TMEM63C: variants seen among roughly 807,000 people sequenced by gnomAD.
TMEM63C encodes transmembrane protein 63C.
Under a neutral mutation model 99.2 loss-of-function variants are expected in TMEM63C, and 32 were observed. The observed-to-expected ratio is 0.32, with a 90% CI of 0.24 to 0.43. The LOEUF is 0.43. TMEM63C is among the 20% of genes least tolerant of loss of function. TMEM63C has a pLI of 1.00. For missense variants in TMEM63C, 826 were observed against 1,053.0 expected (o/e 0.78, Z 2.98); for synonymous variants, 376 against 397.9 (o/e 0.94, Z 0.66).
At chr14:77,183,947 C>A (rs914373560) in intron 1 of TMEM63C, among the ~76,000 whole-genome samples, 3 of 152,162 alleles carry the variant, frequency 2.0e-5, no homozygotes, top group Non-Finnish European at 4.4e-5. Flanking sequence ...CTCAGAGAGG[C>A]CCCGTGGTGA....
At chr14:77,218,693 C>A in intron 2 of TMEM63C, 108 bp from the exon 3 acceptor site, 1 of 1,184,064 alleles carries the variant, frequency 8.4e-7, no homozygotes. Flanking sequence ...AGTGGCCTAG[C>A]CTGGCCGAGG....
chr14:77,240,546 C>A lies in TMEM63C; in HGVS notation c.1002C>A (p.Arg334=), dbSNP rs749706508. ...ACGAGTTCAACGCCGAGCTCAACCG[C>A]GTGCCGCTCAAGCGGCTGGACCTGA... The part of the protein sequence containing the change: ...LTDEFNAELN[R]VPLKRLDLIF... The change falls in exon 13 of 24, where the codon CGC becomes CGA. Residue 334 remains arginine, a synonymous_variant. Coordinates refer to ENST00000298351, the MANE Select transcript of TMEM63C (RefSeq NM_020431.4). 2 of 1,611,904 alleles carry A rather than the reference C, an allele frequency of 1.2e-6. No homozygotes were observed. The highest frequency in any genetic ancestry group is 1.1e-5 in the South Asian group (1 of 91,076).
intron 22 of TMEM63C, among the ~76,000 whole-genome samples, chr14:77,252,197 A>T (rs1164848877): frequency 6.6e-6 from 1 of 152,134 alleles, no homozygotes; most frequent in Admixed American, 6.5e-5. Context: ...ATGTGAGTCC[A>T]GTGCAGCCAC....
chr14:77,256,255 G>A (rs1253451072), intron 23 of TMEM63C, among the ~76,000 whole-genome samples: 8 of 152,250 alleles, frequency 5.3e-5, no homozygotes, highest in African/African-American at 1.4e-4. Context: ...TTGGAACTGA[G>A]AGTGAATGGG....
intron 9 of TMEM63C, among the ~76,000 whole-genome samples, chr14:77,236,959 G>A (rs1481894990): frequency 1.0e-5 from 1 of 99,224 alleles, no homozygotes; most frequent in Non-Finnish European, 2.0e-5. Context: ...CCTCCTCCAC[G>A]CTGCTCCACC....
intron 1 of TMEM63C, among the ~76,000 whole-genome samples, chr14:77,192,687 A>C (rs1475150945): frequency 1.3e-5 from 2 of 152,098 alleles, no homozygotes; most frequent in Admixed American, 1.3e-4. Context: ...ACTTGAGCCC[A>C]GGAGTTCAAG....
chr14:77,239,821 C>T (rs1889133332), intron 12 of TMEM63C, 95 bp downstream of exon 12: 1 of 1,496,772 alleles, frequency 6.7e-7, no homozygotes, highest in Non-Finnish European at 9.0e-7. Context: ...GGCCCCAGGC[C>T]TCACTCAGGT....
chr14:77,207,082 G>C (rs532481955), intron 1 of TMEM63C, among the ~76,000 whole-genome samples: 46 of 152,312 alleles, frequency 3.0e-4, no homozygotes, highest in African/African-American at 1.0e-3. Flanking sequence ...TCTGTCTCCA[G>C]CACCCCCTGG....
intron 21 of TMEM63C, 142 bp downstream of exon 21, chr14:77,249,600 T>A: frequency 1.1e-6 from 1 of 919,658 alleles, no homozygotes; most frequent in Non-Finnish European, 1.6e-6. Flanking sequence ...CAGTGACTTC[T>A]CTGGGCCTAA....
chr14:77,240,343 C>G, intron 12 of TMEM63C, 132 bp from the exon 13 acceptor site: 1 of 1,063,806 alleles, frequency 9.4e-7, no homozygotes. Context: ...GGAGGCCAGC[C>G]AGGGTCCTGG....
chr14:77,223,945 T>C (rs1046011178), intron 5 of TMEM63C, among the ~76,000 whole-genome samples: 4 of 152,040 alleles, frequency 2.6e-5, no homozygotes, highest in Non-Finnish European at 4.4e-5. Context: ...GCAGGAGGGG[T>C]GGCTGGACCT....
chr14:77,218,730 C>A, intron 2 of TMEM63C, 71 bp from the exon 3 acceptor site: 1 of 1,519,200 alleles, frequency 6.6e-7, no homozygotes, highest in South Asian at 1.2e-5. Context: ...CACAACTCCC[C>A]ATCGGGCTTC....
In TMEM63C at chr14:77,223,759, C is replaced by T. The variant is rs561618896; in HGVS notation, c.313-1665C>T. Among the ~76,000 whole-genome samples, 15 of 152,268 alleles carry T rather than the reference C, an allele frequency of 9.9e-5. No homozygotes were observed. In the South Asian group the frequency reaches 3.1e-3, roughly 32 times the overall value. ...CTCTGCCCTTTCCTGGATGACCCATCCTCTGTCTATTCCAGTATACACCTG... is the reference window on the plus strand; with the variant it reads ...CTCTGCCCTTTCCTGGATGACCCATTCTCTGTCTATTCCAGTATACACCTG... On this transcript the variant is annotated intron_variant, in intron 5 of 23. Transcript: ENST00000298351.
rs1889300722 is a variant in TMEM63C at position 77,248,410 on chromosome 14, T to G, written c.1665T>G (p.Leu555=). 3 of 1,603,668 alleles carry G rather than the reference T, an allele frequency of 1.9e-6. No individual in the cohort carries two copies. Among genetic ancestry groups the G allele is most frequent in the Non-Finnish European group, 2.6e-6 (3 of 1,175,190 alleles). Reference sequence around the variant, plus strand: ...ACTACGTGATCACGGCAGCTTTACTTGGCACAGGCATGGAGCTGCTGCGTC... The same window carrying G: ...ACTACGTGATCACGGCAGCTTTACTGGGCACAGGCATGGAGCTGCTGCGTC... The part of the protein sequence containing the change: ...FVNYVITAAL[L]GTGMELLRLG... Residue 555 remains leucine (L), a synonymous_variant, in exon 19 of 24, where the codon CTT becomes CTG. Transcript: ENST00000298351.
In TMEM63C at chr14:77,258,466, A is replaced by G. The variant is rs1395791612; in HGVS notation, c.*1740A>G. On this transcript the variant is annotated 3_prime_UTR_variant, in exon 24 of 24. Coordinates refer to ENST00000298351, the MANE Select transcript of TMEM63C (RefSeq NM_020431.4). ...CATTTTGGCATGAGGGTGTCTTTCC[A>G]GAGAGCTTGGGTTGGCTGGAGAGAG... 6.6e-6 allele frequency: 1 copy of G among 152,500 alleles called. No homozygotes were observed. The highest frequency in any genetic ancestry group is 1.9e-4 in the East Asian group (1 of 5,204). 9.4% of individuals were successfully genotyped at this position (152,500 alleles called of 1,614,324 possible). A position where few individuals can be genotyped will look rare whatever the true frequency, so the allele number is the denominator to read the frequency against.
At chr14:77,214,872 GCCGT>G (rs1356290448) in intron 2 of TMEM63C, among the ~76,000 whole-genome samples, 1 of 151,914 alleles carries the variant, frequency 6.6e-6, no homozygotes, top group African/African-American at 2.4e-5. Flanking sequence ...ACACTTACTA[GCCGT>G]CCACAATTCT....
chr14:77,185,535 C>A (rs1291787553), intron 1 of TMEM63C, among the ~76,000 whole-genome samples: 1 of 152,184 alleles, frequency 6.6e-6, no homozygotes. Flanking sequence ...GATAGGTGGG[C>A]AAGATGGAGC....
chr14:77,247,132 A>T (rs527275054), intron 18 of TMEM63C, among the ~76,000 whole-genome samples: 1 of 152,230 alleles, frequency 6.6e-6, no homozygotes, highest in Non-Finnish European at 1.5e-5. Flanking sequence ...CAATTATACA[A>T]TTATACTGAA....
intron 1 of TMEM63C, among the ~76,000 whole-genome samples, chr14:77,206,610 T>TGTCACTGTGAGAGCTCA (rs755390992): frequency 8.9e-4 from 135 of 152,330 alleles, no homozygotes; most frequent in Non-Finnish European, 1.4e-3. Flanking sequence ...CTGGGCTGCA[T>TGTCACTGTGAGAGCTCA]GTCACTGTGA....
Sources: allele counts gnomAD v4.1 joint callset (sites outside exome capture counted in the v4.1 genomes callset), GRCh38; gene constraint gnomAD v4.1.1; transcripts MANE v1.5; gene names NCBI Gene and HGNC (gene_info 2026-07-23, HGNC 2026-07-21).